The following KATNIP variants were observed in gnomAD, a reference collection of about 807,000 sequenced individuals.
KATNIP encodes katanin-interacting protein.
A neutral mutation model predicts 174.0 loss-of-function variants in KATNIP; 126 were observed. The observed-to-expected ratio is 0.72, with a 90% CI of 0.63 to 0.84. The LOEUF (loss-of-function observed/expected upper bound fraction) is 0.84. Among genes scored for constraint, KATNIP ranks in the 40% least tolerant of loss-of-function variants. KATNIP has a pLI of 0.00. For synonymous variants in KATNIP, 810 were observed against 835.7 expected (o/e 0.97, Z 0.53); for missense variants, 1,958 against 2,109.7 (o/e 0.93, Z 1.41).
intron 17 of KATNIP, among the ~76,000 whole-genome samples, chr16:27,753,381 G>A (rs953289945): frequency 6.6e-6 from 1 of 152,204 alleles, no homozygotes; most frequent in Non-Finnish European, 1.5e-5. Context: ...CATTTGCCCA[G>A]CGTTTTCCAA....
chr16:27,684,997 A>G (rs2078472505), intron 8 of KATNIP, among the ~76,000 whole-genome samples: 1 of 152,250 alleles, frequency 6.6e-6, no homozygotes, highest in Admixed American at 6.5e-5. Context: ...ACTTTGAGAA[A>G]TAGAGCTTAA....
intron 6 of KATNIP, among the ~76,000 whole-genome samples, chr16:27,653,710 G>T (rs187959513): frequency 1.2e-3 from 174 of 151,270 alleles, no homozygotes; most frequent in African/African-American, 3.7e-3. Flanking sequence ...CCAGGCTGGA[G>T]TGCAGTAGCA....
At chr16:27,571,882 T>G (rs1047803028) in intron 1 of KATNIP, among the ~76,000 whole-genome samples, 5 of 152,160 alleles carry the variant, frequency 3.3e-5, no homozygotes, top group Non-Finnish European at 7.4e-5. Flanking sequence ...TGGTCAAGGG[T>G]TTCTGGGAGC....
chr16:27,759,772 C>T (rs554975147), intron 18 of KATNIP, among the ~76,000 whole-genome samples: 2 of 152,280 alleles, frequency 1.3e-5, no homozygotes, highest in East Asian at 1.9e-4. Context: ...AAGCAAATCA[C>T]GTGACCCAGA....
At chr16:27,626,997 A>T (rs1017172801) in intron 3 of KATNIP, among the ~76,000 whole-genome samples, 2 of 150,964 alleles carry the variant, frequency 1.3e-5, no homozygotes, top group East Asian at 1.9e-4. Flanking sequence ...ACCCTGTAGG[A>T]TTATTGTGAA....
chr16:27,681,581 ACT>A, intron 8 of KATNIP, 51 bp downstream of exon 8: 3 of 1,609,860 alleles, frequency 1.9e-6, no homozygotes, highest in African/African-American at 2.7e-5. Flanking sequence ...CGACTGGGTC[ACT>A]CTCTGGGGTG....
At chr16:27,608,371 CG>C (rs2075779632) in intron 2 of KATNIP, among the ~76,000 whole-genome samples, 1 of 144,470 alleles carries the variant, frequency 6.9e-6, no homozygotes, top group Admixed American at 7.0e-5. Context: ...GCTGGGACTA[CG>C]GGTGCACGCC....
At chr16:27,598,069 A>G (rs1434940216) in intron 2 of KATNIP, among the ~76,000 whole-genome samples, 1 of 152,146 alleles carries the variant, frequency 6.6e-6, no homozygotes, top group African/African-American at 2.4e-5. Context: ...CTCTACAAAA[A>G]ATAACAAAAG....
At chr16:27,704,122 G>GCCCCCCCC (rs535809357) in intron 12 of KATNIP, 124 bp downstream of exon 12, 1 of 662,456 alleles carries the variant, frequency 1.5e-6, no homozygotes, top group Non-Finnish European at 2.6e-6. Context: ...TGTTTCCACC[G>GCCCCCCCC]CCCCCCCCCT....
intron 5 of KATNIP, among the ~76,000 whole-genome samples, chr16:27,646,263 G>A (rs1010417264): frequency 5.9e-5 from 9 of 152,194 alleles, no homozygotes; most frequent in Admixed American, 5.2e-4. Context: ...TGCTCTTTCT[G>A]TTAGGGACAG....
intron 2 of KATNIP, among the ~76,000 whole-genome samples, chr16:27,590,217 T>TATTAA (rs1010538396): frequency 2.6e-5 from 4 of 152,150 alleles, no homozygotes; most frequent in African/African-American, 9.6e-5. Flanking sequence ...TTCCTCTATT[T>TATTAA]ATTAAATTAG....
At chr16:27,708,113 C>G (rs2079402519) in intron 12 of KATNIP, among the ~76,000 whole-genome samples, 1 of 151,476 alleles carries the variant, frequency 6.6e-6, no homozygotes, top group Non-Finnish European at 1.5e-5. Flanking sequence ...ACCACCTGGG[C>G]TCCAGCAATC....
In KATNIP at chr16:27,740,467, C is replaced by T. The variant is rs753840822; in HGVS notation, c.2170C>T (p.Pro724Ser). The T allele has an allele frequency of 2.5e-6, 4 of 1,613,984 alleles. No homozygotes were observed. The South Asian group carries it at 4.4e-5, about 18-fold the overall frequency. The change falls in exon 15 of 28, where the codon CCT (proline) becomes TCT (serine). Residue 724 changes from proline (P) to serine (S), a missense_variant. Pro to Ser is a moderately conservative substitution (Grantham distance 74, BLOSUM62 -1). Transcript: ENST00000261588. Reference protein sequence around the residue: ...APATSPPVKCPPVHEEPSLIQ... With the variant: ...APATSPPVKCSPVHEEPSLIQ... ...TGCCACTTCCCCACCTGTGAAGTGC[C>T]CTCCTGTCCATGAGGAGCCCTCTCT... is the stretch of plus-strand genomic sequence containing the variant.
chr16:27,629,614 A>G (rs2076429492), intron 4 of KATNIP, among the ~76,000 whole-genome samples: 1 of 152,188 alleles, frequency 6.6e-6, no homozygotes, highest in African/African-American at 2.4e-5. Flanking sequence ...TAGCATAGAC[A>G]CGGAAAATGA....
chr16:27,686,213 A>G (rs570906744), intron 8 of KATNIP, among the ~76,000 whole-genome samples: 1 of 152,282 alleles, frequency 6.6e-6, no homozygotes, highest in South Asian at 2.1e-4. Flanking sequence ...TCAAGGCAAC[A>G]TCTGGAGGGT....
rs117330236 is a variant in KATNIP, at chr16:27,668,695, C to T, written c.541-9034C>T. On this transcript the variant is annotated intron_variant, in intron 6 of 27. Coordinates refer to ENST00000261588, the MANE Select transcript of KATNIP (RefSeq NM_015202.5). ...AAGATGAGGAGACCTACTGCACTGG[C>T]GTGTTAGGAGGTTGAAATGAAATGA... Among the ~76,000 whole-genome samples the T allele has an allele frequency of 8.0e-4, 122 of 152,184 alleles. 1 individual carries two copies. The East Asian group carries it at 0.021, about 26-fold the overall frequency.
chr16:27,664,374 CAA>C (rs1434544281), intron 6 of KATNIP, among the ~76,000 whole-genome samples: 26 of 152,132 alleles, frequency 1.7e-4, no homozygotes, highest in African/African-American at 6.3e-4. Flanking sequence ...ACAAAGTTCT[CAA>C]TATATCTGTT....
Position 27,699,858 on chromosome 16 carries a change from G to T in KATNIP, c.1179+259G>T, listed in dbSNP as rs182752747. Among the ~76,000 whole-genome samples, 167 of 152,158 alleles carry T rather than the reference G, an allele frequency of 1.1e-3. 1 individual carries two copies. The highest frequency in any genetic ancestry group is 3.9e-3 in the African/African-American group (162 of 41,514). On this transcript the variant is annotated intron_variant, in intron 10 of 27. Coordinates refer to ENST00000261588, the MANE Select transcript of KATNIP (RefSeq NM_015202.5). ...CGAGTTGAAGCTAGAACTCACCCAG[G>T]CCTGCTGACTCAAACTGTTGTAATT...
chr16:27,762,656 G>T (rs1388059456), intron 19 of KATNIP, among the ~76,000 whole-genome samples: 1 of 152,168 alleles, frequency 6.6e-6, no homozygotes, highest in Non-Finnish European at 1.5e-5. Flanking sequence ...CCCTTGGCCT[G>T]GTGCTGAGCT....
Sources: allele counts gnomAD v4.1 joint callset (sites outside exome capture counted in the v4.1 genomes callset), GRCh38; gene constraint gnomAD v4.1.1; transcripts MANE v1.5; gene names NCBI Gene and HGNC (gene_info 2026-07-23, HGNC 2026-07-21).